The following PEMT variants were observed in gnomAD, a reference collection of about 807,000 sequenced individuals.
PEMT encodes the protein phospholipid methyltransferase.
A neutral mutation model predicts 27.4 loss-of-function variants in PEMT; 23 were observed. The observed-to-expected ratio is 0.84, with a 90% CI of 0.60 to 1.19. PEMT has a LOEUF of 1.19. PEMT is among the 50% of genes most tolerant of loss of function. The pLI, the probability that PEMT is intolerant of heterozygous loss-of-function variation, is 0.00. For synonymous variants in PEMT, 137 were observed against 139.1 expected (o/e 0.98, Z 0.11); for missense variants, 307 against 310.1 (o/e 0.99, Z 0.07).
intron 2 of PEMT, among the ~76,000 whole-genome samples, chr17:17,554,347 C>T (rs968198532): frequency 1.3e-5 from 2 of 152,222 alleles, no homozygotes; most frequent in Non-Finnish European, 2.9e-5. Flanking sequence ...TCACAGCCCC[C>T]CTCCCATGTC....
chr17:17,591,531 C>G lies in PEMT; in HGVS notation c.96G>C (p.Gln32His). Residue 32 changes from glutamine to histidine, a missense_variant and splice_region_variant, in exon 1 of 7, where the codon CAG becomes CAC. Coordinates refer to ENST00000255389, the MANE Select transcript of PEMT (RefSeq NM_148172.3). ...CGCGGCGGTCCGGTGCGGTCAGTAC[C>G]TGTCTAAAATCAATATTGCCGAGGC... ...CGGLGNIDFR[Q>H]ADFCVMTRLL... 1 of 1,611,186 alleles carries G rather than the reference C, an allele frequency of 6.2e-7. No individual in the cohort carries two copies.
intron 2 of PEMT, among the ~76,000 whole-genome samples, chr17:17,541,414 C>G (rs554809023): frequency 6.6e-6 from 1 of 152,218 alleles, no homozygotes; most frequent in South Asian, 2.1e-4. Flanking sequence ...GACCGTGGCC[C>G]GCAGCACCTG....
chr17:17,591,396 C>CCGCCA (rs1172570689), intron 1 of PEMT, 135 bp downstream of exon 1: 3 of 756,988 alleles, frequency 4.0e-6, no homozygotes, highest in Admixed American at 3.0e-5. Flanking sequence ...TCCCCCACCC[C>CCGCCA]CGCCACGCCA....
At chr17:17,571,859 C>T (rs1330106374) in intron 2 of PEMT, among the ~76,000 whole-genome samples, 1 of 152,188 alleles carries the variant, frequency 6.6e-6, no homozygotes, top group Non-Finnish European at 1.5e-5. Flanking sequence ...ACCACCACAC[C>T]TGGCTAAATT....
At chr17:17,548,971 C>T (rs1207069292) in intron 2 of PEMT, among the ~76,000 whole-genome samples, 3 of 152,046 alleles carry the variant, frequency 2.0e-5, no homozygotes, top group Non-Finnish European at 2.9e-5. Flanking sequence ...TCAGCAGGAC[C>T]CTGACCAGGC....
intron 1 of PEMT, among the ~76,000 whole-genome samples, chr17:17,585,849 G>A (rs1912213703): frequency 1.3e-5 from 2 of 152,046 alleles, no homozygotes; most frequent in Non-Finnish European, 2.9e-5. Context: ...TTGAGAGGCT[G>A]AGGCGGGCGT....
intron 1 of PEMT, among the ~76,000 whole-genome samples, chr17:17,581,808 C>A (rs1911993892): frequency 6.6e-6 from 1 of 152,126 alleles, no homozygotes; most frequent in South Asian, 2.1e-4. Flanking sequence ...TTTATGTTGC[C>A]CGGAGAAGCA....
Position 17,512,395 on chromosome 17 carries a change from G to C in PEMT, c.466+114C>G, listed in dbSNP as rs916659191. 6 of 1,046,798 alleles carry C rather than the reference G, an allele frequency of 5.7e-6. No individual in the cohort carries two copies. In the African/African-American group the frequency reaches 9.9e-5, roughly 17 times the overall value. 64.8% of individuals were successfully genotyped at this position (1,046,798 alleles called of 1,614,324 possible). A position where few individuals can be genotyped will look rare whatever the true frequency, so the allele number is the denominator to read the frequency against. On this transcript the variant is annotated intron_variant, in intron 4 of 6. Coordinates refer to ENST00000255389, the MANE Select transcript of PEMT (RefSeq NM_148172.3). The surrounding 1 kb of genome is among the most constrained non-coding windows in gnomAD (Gnocchi z 6.3). Reference sequence around the variant, plus strand: ...GAGCAAAGACGCCCCGATGGAGGGGGCCCCTAGCACTCCCACCGATGTCAC... The same window carrying C: ...GAGCAAAGACGCCCCGATGGAGGGGCCCCCTAGCACTCCCACCGATGTCAC...
At chr17:17,529,365 G>A (rs1288126147) in intron 2 of PEMT, among the ~76,000 whole-genome samples, 2 of 152,224 alleles carry the variant, frequency 1.3e-5, no homozygotes, top group Non-Finnish European at 2.9e-5. Flanking sequence ...TGGCAGCTCA[G>A]GGCAGCATCC....
chr17:17,505,871 T>C, intron 6 of PEMT, 23 bp from the exon 7 acceptor site: 1 of 1,603,070 alleles, frequency 6.2e-7, no homozygotes, highest in Non-Finnish European at 8.5e-7. Context: ...GGGGAGAGGC[T>C]TCGGTCAGCA....
At chr17:17,515,571 T>C (rs1308902489) in intron 3 of PEMT, among the ~76,000 whole-genome samples, 1 of 152,152 alleles carries the variant, frequency 6.6e-6, no homozygotes, top group Non-Finnish European at 1.5e-5. Context: ...CTCCCTGGCG[T>C]TCTCACCAAG....
At chr17:17,526,381 C>T (rs1192763074) in intron 2 of PEMT, among the ~76,000 whole-genome samples, 1 of 152,236 alleles carries the variant, frequency 6.6e-6, no homozygotes, top group African/African-American at 2.4e-5. Context: ...AATCACTCAG[C>T]TGCCCGCTAC....
intron 1 of PEMT, among the ~76,000 whole-genome samples, chr17:17,590,273 C>T (rs954729288): frequency 2.0e-5 from 3 of 152,202 alleles, no homozygotes; most frequent in Non-Finnish European, 4.4e-5. Context: ...TGCTGAGCAC[C>T]CATCTGGCCA....
chr17:17,536,111 C>T (rs1908450662), intron 2 of PEMT, among the ~76,000 whole-genome samples: 1 of 152,212 alleles, frequency 6.6e-6, no homozygotes, highest in East Asian at 1.9e-4. Flanking sequence ...TCTGATGACA[C>T]CCACAGCACA....
At chr17:17,584,785 G>A (rs1033072946) in intron 1 of PEMT, among the ~76,000 whole-genome samples, 6 of 152,270 alleles carry the variant, frequency 3.9e-5, no homozygotes, top group African/African-American at 1.4e-4. Flanking sequence ...GCAGGAGGCA[G>A]AACAGAGTGC....
At chr17:17,543,162 G>A (rs1212438191) in intron 2 of PEMT, among the ~76,000 whole-genome samples, 6 of 152,204 alleles carry the variant, frequency 3.9e-5, no homozygotes, top group Admixed American at 2.0e-4. Context: ...CTGTGGAGAA[G>A]CCACGTCGTG....
chr17:17,530,821 T>TTTCCACTTCAA (rs1488514941), intron 2 of PEMT, among the ~76,000 whole-genome samples: 1 of 152,202 alleles, frequency 6.6e-6, no homozygotes, highest in Non-Finnish European at 1.5e-5. Flanking sequence ...CAAAAACTTT[T>TTTCCACTTCAA]GAAGTGGAAA....
intron 1 of PEMT, among the ~76,000 whole-genome samples, chr17:17,584,811 G>A (rs1409084630): frequency 1.3e-5 from 2 of 152,262 alleles, no homozygotes; most frequent in African/African-American, 4.8e-5. Context: ...AGACAAGGAC[G>A]CCCGTGCCAC....
rs565615166 is a variant in PEMT at position 17,583,952 on chromosome 17, C to T, written c.97-6925G>A. Among the ~76,000 whole-genome samples the T allele has an allele frequency of 7.2e-5, 11 of 152,322 alleles. No homozygotes were observed. The East Asian group carries it at 2.1e-3, about 29-fold the overall frequency. On this transcript the variant is annotated intron_variant, in intron 1 of 6. Coordinates refer to ENST00000255389, the MANE Select transcript of PEMT (RefSeq NM_148172.3). ...GCTCCAGTTCCCTAGATCCATAACT[C>T]CTTTCAGGAGGGTGAAATGTCATTC...
Sources: gnomAD v4.1 joint callset for allele counts (sites outside exome capture counted in the v4.1 genomes callset) on GRCh38, gnomAD v4.1.1 for gene constraint, Gnocchi (gnomAD v3.1) non-coding constraint, MANE v1.5 for transcripts, NCBI Gene and HGNC (gene_info 2026-07-23, HGNC 2026-07-21) for gene names.